The following RARB variants were observed in gnomAD, a reference collection of about 807,000 sequenced individuals.
The protein encoded by RARB is HBV-activated protein.
Under a neutral mutation model 51.9 loss-of-function variants are expected in RARB, and 17 were observed. The observed-to-expected ratio is 0.33, with a 90% CI of 0.22 to 0.49. The LOEUF (loss-of-function observed/expected upper bound fraction) is 0.49. Among genes scored for constraint, RARB ranks in the 20% least tolerant of loss-of-function variants. RARB has a pLI of 0.99. For synonymous variants in RARB, 215 were observed against 195.4 expected, an observed-to-expected ratio of 1.10 and a Z score of -0.84; for missense variants, 369 against 550.8, an observed-to-expected ratio of 0.67 and a Z score of 3.30.
chr3:25,208,324 C>A (rs1701607443), intron 5 of RARB, among the ~76,000 whole-genome samples: 1 of 152,140 alleles, frequency 6.6e-6, no homozygotes, highest in Non-Finnish European at 1.5e-5. Context: ...TTCTAATATT[C>A]TGAAATTTTG....
chr3:25,541,893 C>T (rs1000178385), intron 3 of RARB, among the ~76,000 whole-genome samples: 2 of 152,170 alleles, frequency 1.3e-5, no homozygotes, highest in Admixed American at 1.3e-4. Flanking sequence ...GAGAACTCTG[C>T]TATTCGTTTC....
intron 5 of RARB, among the ~76,000 whole-genome samples, chr3:25,393,203 A>G (rs983353832): frequency 1.3e-5 from 2 of 151,698 alleles, no homozygotes; most frequent in Admixed American, 6.6e-5. Context: ...ATTGACTTCT[A>G]TATGTTAAGC....
chr3:24,885,357 T>C (rs1250861574), intron 2 of RARB, among the ~76,000 whole-genome samples: 1 of 152,186 alleles, frequency 6.6e-6, no homozygotes, highest in Non-Finnish European at 1.5e-5. Flanking sequence ...TTGTGAGGCC[T>C]TTTGACAAGA....
intron 2 of RARB, among the ~76,000 whole-genome samples, chr3:25,034,929 C>A (rs1245840748): frequency 6.6e-6 from 1 of 152,218 alleles, no homozygotes; most frequent in Non-Finnish European, 1.5e-5. Flanking sequence ...ACAAAGTGCT[C>A]TTCTGATTGC....
At chr3:25,091,305 T>G (rs1041003497) in intron 3 of RARB, among the ~76,000 whole-genome samples, 10 of 152,204 alleles carry the variant, frequency 6.6e-5, no homozygotes, top group African/African-American at 2.4e-4. Context: ...TGACAAAGGT[T>G]GGAAGCTGAA....
intron 3 of RARB, among the ~76,000 whole-genome samples, chr3:25,072,865 C>T (rs769395005): frequency 5.0e-4 from 76 of 151,990 alleles, no homozygotes; most frequent in Non-Finnish European, 8.7e-4. Context: ...CCCGCCACCA[C>T]GCCGGGCTAA....
At chr3:25,457,695 G>A (rs1240179956) in intron 1 of RARB, among the ~76,000 whole-genome samples, 1 of 152,146 alleles carries the variant, frequency 6.6e-6, no homozygotes, top group African/African-American at 2.4e-5. Context: ...AAGGTGAAAT[G>A]CTGGACTCCC....
At chr3:24,957,898 A>G (rs1339909635) in intron 2 of RARB, among the ~76,000 whole-genome samples, 1 of 152,222 alleles carries the variant, frequency 6.6e-6, no homozygotes, top group Non-Finnish European at 1.5e-5. Flanking sequence ...CACACAGATA[A>G]CATAGGTGTA....
chr3:25,188,794 T>C (rs903890210), intron 5 of RARB, among the ~76,000 whole-genome samples: 21 of 152,164 alleles, frequency 1.4e-4, no homozygotes, highest in Non-Finnish European at 2.6e-4. Context: ...CATTTACTTA[T>C]ACATACCATG....
chr3:25,192,222 A>T lies in RARB; in HGVS notation c.178+17647A>T, dbSNP rs141245839. Among the ~76,000 whole-genome samples, 5 of 152,244 alleles carry T rather than the reference A, an allele frequency of 3.3e-5. No homozygotes were observed. The East Asian group carries it at 9.7e-4, about 29-fold the overall frequency. On this transcript the variant is annotated intron_variant, in intron 5 of 11. Transcript: ENST00000383772. ...ACTAAATAACCTCTCATAGTTAAATAATTTATACATAAGACTGAAGCATAG... is the reference window on the plus strand; with the variant it reads ...ACTAAATAACCTCTCATAGTTAAATTATTTATACATAAGACTGAAGCATAG...
chr3:25,268,522 A>ACATT (rs2125410178), intron 5 of RARB, among the ~76,000 whole-genome samples: 2 of 152,288 alleles, frequency 1.3e-5, no homozygotes, highest in African/African-American at 4.8e-5. Context: ...AGCATTTGAT[A>ACATT]CATTCCATTG....
chr3:24,907,687 C>T (rs1352992756), intron 2 of RARB, among the ~76,000 whole-genome samples: 1 of 151,906 alleles, frequency 6.6e-6, no homozygotes, highest in African/African-American at 2.4e-5. Context: ...AATCTTTGAA[C>T]ACTTTTACCC....
At chr3:25,571,878 A>C (rs909654502) in intron 4 of RARB, among the ~76,000 whole-genome samples, 3 of 152,214 alleles carry the variant, frequency 2.0e-5, no homozygotes, top group Non-Finnish European at 2.9e-5. Context: ...TCATCCAGAC[A>C]CGTACCTTCT....
chr3:25,593,852 T>C lies in RARB; in HGVS notation c.991+145T>C, dbSNP rs1236678742. 1.3e-5 allele frequency: 10 copies of C among 746,134 alleles called. No individual in the cohort carries two copies. In the East Asian group the frequency reaches 1.6e-4, roughly 12 times the overall value. 46.2% of individuals were successfully genotyped at this position (746,134 alleles called of 1,614,324 possible). A position where few individuals can be genotyped will look rare whatever the true frequency, so the allele number is the denominator to read the frequency against. Reference sequence around the variant, plus strand: ...AGCCAGGCATACATGCCTGGTTTCATTGTATTTTTCCATGTTGTTACAAAT... The same window carrying C: ...AGCCAGGCATACATGCCTGGTTTCACTGTATTTTTCCATGTTGTTACAAAT... On this transcript the variant is annotated intron_variant, in intron 6 of 7. Coordinates refer to ENST00000330688, the MANE Select transcript of RARB (RefSeq NM_000965.5).
At chr3:25,178,719 A>T (rs1457700119) in intron 5 of RARB, among the ~76,000 whole-genome samples, 1 of 152,206 alleles carries the variant, frequency 6.6e-6, no homozygotes, top group African/African-American at 2.4e-5. Flanking sequence ...AGCCACTATC[A>T]GTTTTCGTCA....
chr3:24,910,002 C>T, intron 2 of RARB, among the ~76,000 whole-genome samples: 1 of 152,050 alleles, frequency 6.6e-6, no homozygotes. Flanking sequence ...TTTAATTGTT[C>T]TAGCCAGAGA....
chr3:25,169,476 T>G (rs1327947306), intron 4 of RARB, among the ~76,000 whole-genome samples: 1 of 152,100 alleles, frequency 6.6e-6, no homozygotes, highest in Non-Finnish European at 1.5e-5. Context: ...AGCTGTTAAC[T>G]CCAGGAAAGA....
intron 5 of RARB, among the ~76,000 whole-genome samples, chr3:25,218,190 A>C (rs990353574): frequency 6.6e-6 from 1 of 152,162 alleles, no homozygotes; most frequent in African/African-American, 2.4e-5. Context: ...GGCAGAGGAC[A>C]GTCACCCCCA....
At chr3:25,351,552 A>G (rs752235566) in intron 5 of RARB, among the ~76,000 whole-genome samples, 31 of 151,872 alleles carry the variant, frequency 2.0e-4, no homozygotes, top group Non-Finnish European at 4.1e-4. Flanking sequence ...TTTATCTGAA[A>G]CCCATTTATT....
Sources: gnomAD v4.1 joint callset for allele counts (sites outside exome capture counted in the v4.1 genomes callset) on GRCh38, gnomAD v4.1.1 for gene constraint, MANE v1.5 for transcripts, NCBI Gene and HGNC (gene_info 2026-07-23, HGNC 2026-07-21) for gene names.